The following UHMK1 variants were observed in gnomAD, a reference collection of about 807,000 sequenced individuals.
UHMK1 encodes the protein serine/threonine-protein kinase Kist.
A neutral mutation model predicts 44.0 loss-of-function variants in UHMK1; 18 were observed. That is an observed-to-expected ratio of 0.41 (90% CI 0.28 to 0.61). The LOEUF is 0.61. Among genes scored for constraint, UHMK1 ranks in the 20% least tolerant of loss-of-function variants. UHMK1 has a pLI of 0.31. For missense variants in UHMK1, 463 were observed against 522.5 expected (o/e 0.89, Z 1.11); for synonymous variants, 231 against 198.5 (o/e 1.16, Z -1.38).
chr1:162,520,249 T>C (rs999322615), intron 7 of UHMK1, among the ~76,000 whole-genome samples: 3 of 152,174 alleles, frequency 2.0e-5, no homozygotes, highest in African/African-American at 4.8e-5. Context: ...TGAAAAAATA[T>C]GAAAACAAAA....
At chr1:162,513,876 T>C (rs1651750115) in intron 6 of UHMK1, among the ~76,000 whole-genome samples, 1 of 152,218 alleles carries the variant, frequency 6.6e-6, no homozygotes, top group Admixed American at 6.5e-5. Context: ...TATAGAATAA[T>C]ATCTAGTTTA....
intron 4 of UHMK1, among the ~76,000 whole-genome samples, chr1:162,506,818 C>T (rs891199174): frequency 6.6e-6 from 1 of 151,792 alleles, no homozygotes; most frequent in African/African-American, 2.4e-5. Context: ...GAGCTAAGAT[C>T]GTGCCACTGC....
chr1:162,507,774 G>A (rs1054742019), intron 4 of UHMK1, among the ~76,000 whole-genome samples: 1 of 151,550 alleles, frequency 6.6e-6, no homozygotes, highest in African/African-American at 2.4e-5. Context: ...TTTTAGTAGA[G>A]ACAGGGTTTC....
chr1:162,517,259 A>G (rs1651864419), intron 6 of UHMK1, among the ~76,000 whole-genome samples: 4 of 152,176 alleles, frequency 2.6e-5, no homozygotes, highest in Admixed American at 2.0e-4. Context: ...AGATCGTGCC[A>G]CTACACTCCA....
chr1:162,503,143 C>T (rs1185485567), intron 3 of UHMK1, among the ~76,000 whole-genome samples: 2 of 152,154 alleles, frequency 1.3e-5, no homozygotes, highest in Non-Finnish European at 2.9e-5. Flanking sequence ...TACCCTGAGT[C>T]ACCTATTATA....
intron 1 of UHMK1, 99 bp downstream of exon 1, chr1:162,498,367 G>A: frequency 1.4e-6 from 2 of 1,425,520 alleles, no homozygotes; most frequent in Middle Eastern, 1.8e-4. Context: ...CCTTCTGCGG[G>A]AGAAGCGGGT....
chr1:162,510,458 ATGAG>A (rs1218114478), intron 4 of UHMK1, among the ~76,000 whole-genome samples: 2 of 152,180 alleles, frequency 1.3e-5, no homozygotes. Flanking sequence ...GAATTCACAT[ATGAG>A]TGAGATCATG....
chr1:162,500,404 T>G, intron 2 of UHMK1, 157 bp downstream of exon 2: 1 of 826,422 alleles, frequency 1.2e-6, no homozygotes, highest in Admixed American at 3.0e-5. Context: ...AGAATTTCAG[T>G]GCCACCGTGT....
At chr1:162,512,151 T>A (rs1651688867) in intron 4 of UHMK1, among the ~76,000 whole-genome samples, 1 of 151,442 alleles carries the variant, frequency 6.6e-6, no homozygotes. Context: ...TTAGAGAAAT[T>A]TGATGAGATT....
In UHMK1 at chr1:162,528,529, C is replaced by T. The variant is rs1449216326; in HGVS notation, c.*5979C>T. On this transcript the variant is annotated 3_prime_UTR_variant, in exon 8 of 8. Coordinates refer to ENST00000489294, the MANE Select transcript of UHMK1 (RefSeq NM_175866.5). The stretch of plus-strand genomic sequence containing the variant: ...TTTGTGTATTTGGTGTACATCACCA[C>T]TTATGCAAATCAAGGATCAGAAAAC... 2 of 152,080 alleles carry T rather than the reference C, an allele frequency of 1.3e-5. No individual in the cohort carries two copies. Among genetic ancestry groups the T allele is most frequent in the African/African-American group, 4.8e-5 (2 of 41,452 alleles). The allele number at this position is 152,080 out of a possible 1,614,324, so 9.4% of individuals were successfully genotyped here.
chr1:162,512,691 T>TAAG (rs772029042), intron 5 of UHMK1, 34 bp from the exon 6 acceptor site: 1 of 1,611,156 alleles, frequency 6.2e-7, no homozygotes, highest in Non-Finnish European at 8.5e-7. Context: ...TTGGGGGGAT[T>TAAG]TACATTTAAC....
rs796976843 is a variant in UHMK1, at chr1:162,517,868, C to CT, written c.1025-233dup. Among the ~76,000 whole-genome samples the CT allele has an allele frequency of 1.9e-3, 284 of 151,560 alleles. 5 individuals carry two copies. Among genetic ancestry groups the CT allele is most frequent in the African/African-American group, 6.8e-3 (281 of 41,342 alleles). ...CTCCAGCCTGGGGGACAGCGAGACTCTGTCTAAAAAAAAAAAGAAAAGAAA... is the reference window on the plus strand; with the variant it reads ...CTCCAGCCTGGGGGACAGCGAGACTCTTGTCTAAAAAAAAAAAGAAAAGAAA... On this transcript the variant is annotated intron_variant, in intron 6 of 7. Coordinates refer to ENST00000489294, the MANE Select transcript of UHMK1 (RefSeq NM_175866.5).
At position 162,522,796 on chromosome 1, in the gene UHMK1, G is replaced by A. The variant is rs115906485; in HGVS notation, c.*246G>A. On this transcript the variant is annotated 3_prime_UTR_variant, in exon 8 of 8. Coordinates refer to ENST00000489294, the MANE Select transcript of UHMK1 (RefSeq NM_175866.5). ...CCATGTGGGCAACCCTTTTTTGTGC[G>A]GGAGAGCAGGTGTTGCTCTTCAGTA... The A allele has an allele frequency of 4.9e-3, 1,755 of 356,098 alleles. 28 individuals are homozygous for A. Among genetic ancestry groups the A allele is most frequent in the African/African-American group, 0.034 (1,626 of 48,226 alleles). 22.1% of individuals were successfully genotyped at this position (356,098 alleles called of 1,614,324 possible). A position where few individuals can be genotyped will look rare whatever the true frequency, so the allele number is the denominator to read the frequency against.
At chr1:162,519,414 G>A (rs1421032881) in intron 7 of UHMK1, among the ~76,000 whole-genome samples, 1 of 152,068 alleles carries the variant, frequency 6.6e-6, no homozygotes, top group Non-Finnish European at 1.5e-5. Flanking sequence ...ATTAGGTAGA[G>A]TTAGAAAGCC....
intron 4 of UHMK1, among the ~76,000 whole-genome samples, chr1:162,504,149 A>G (rs1651381651): frequency 6.6e-6 from 1 of 152,122 alleles, no homozygotes; most frequent in African/African-American, 2.4e-5. Flanking sequence ...TTTTTTAACT[A>G]AAGATTGAGT....
Position 162,527,983 on chromosome 1 carries a change from C to T in UHMK1, c.*5433C>T, listed in dbSNP as rs1205479500. 1 of 151,740 alleles carries T rather than the reference C, an allele frequency of 6.6e-6. No homozygotes were observed. Among genetic ancestry groups the T allele is most frequent in the Non-Finnish European group, 1.5e-5 (1 of 67,874 alleles). The allele number at this position is 151,740 out of a possible 1,614,324, so 9.4% of individuals were successfully genotyped here. On this transcript the variant is annotated 3_prime_UTR_variant, in exon 8 of 8. Transcript: ENST00000489294. ...GTGAAAAATCAGAGCTACTTGTTACCATAAGCCCTTACTATCAACAAGATA... is the reference window on the plus strand; with the variant it reads ...GTGAAAAATCAGAGCTACTTGTTACTATAAGCCCTTACTATCAACAAGATA...
At chr1:162,503,564 T>TG (rs1303850558) in intron 3 of UHMK1, among the ~76,000 whole-genome samples, 190 bp from the exon 4 acceptor site, 1 of 148,730 alleles carries the variant, frequency 6.7e-6, no homozygotes, top group East Asian at 2.0e-4. Context: ...TGAGCTGAGA[T>TG]TGCGTCACTG....
chr1:162,499,071 T>G (rs149046186), intron 1 of UHMK1, among the ~76,000 whole-genome samples: 2 of 152,308 alleles, frequency 1.3e-5, no homozygotes, highest in African/African-American at 4.8e-5. Flanking sequence ...AAGGGAAAAA[T>G]TTTGCAAGCC....
chr1:162,503,633 A>T, intron 3 of UHMK1, 121 bp from the exon 4 acceptor site: 51 of 475,692 alleles, frequency 1.1e-4, no homozygotes, highest in Non-Finnish European at 1.5e-4. Flanking sequence ...AAAAAAAAAG[A>T]TTGTAGGCTC....
Sources: allele counts gnomAD v4.1 joint callset (sites outside exome capture counted in the v4.1 genomes callset), GRCh38; gene constraint gnomAD v4.1.1; transcripts MANE v1.5; gene names NCBI Gene and HGNC (gene_info 2026-07-23, HGNC 2026-07-21).